The following LRRIQ1 variants were observed in gnomAD, a reference collection of about 807,000 sequenced individuals.
The protein encoded by LRRIQ1 is leucine-rich repeat- and IQ domain-containing protein 1.
In LRRIQ1, 210 loss-of-function variants were observed where a neutral mutation model predicts 211.9. That is an observed-to-expected ratio of 0.99 (90% CI 0.89 to 1.11). The LOEUF (loss-of-function observed/expected upper bound fraction) is 1.11, where lower values mean the gene tolerates loss of function less well. Ranked by LOEUF, LRRIQ1 falls within the 50% of genes most tolerant of loss-of-function variation. The pLI, the probability that LRRIQ1 is intolerant of heterozygous loss-of-function variation, is 0.00. For missense variants in LRRIQ1, 2,136 were observed against 1,939.5 expected (o/e 1.10, Z -1.90); for synonymous variants, 699 against 650.1 (o/e 1.08, Z -1.14).
chr12:85,066,691 A>C (rs1882468975), intron 9 of LRRIQ1, 57 bp from the exon 10 acceptor site: 4 of 1,379,360 alleles, frequency 2.9e-6, no homozygotes. Flanking sequence ...GAAAGCTTTA[A>C]ATAGTTCATT....
intron 24 of LRRIQ1, among the ~76,000 whole-genome samples, chr12:85,217,698 GTA>G (rs1435473916): frequency 2.1e-5 from 3 of 140,458 alleles, no homozygotes; most frequent in African/African-American, 2.9e-5. Flanking sequence ...GTGTATATAT[GTA>G]TATATGTGTG....
At position 85,128,010 on chromosome 12, in the gene LRRIQ1, G is replaced by A. The variant is rs766205183; in HGVS notation, c.4186G>A (p.Glu1396Lys). The A allele has an allele frequency of 1.1e-5, 17 of 1,610,768 alleles. No individual in the cohort carries two copies. The South Asian group carries it at 1.6e-4, about 16-fold the overall frequency. Residue 1396 changes from glutamate (E) to lysine (K), a missense_variant, in exon 18 of 27, where the codon GAG becomes AAG. Physicochemically the swap from Glu to Lys is moderately conservative, Grantham distance 56. Coordinates refer to ENST00000393217, the MANE Select transcript of LRRIQ1 (RefSeq NM_001079910.2). ...ENIVNIRKQREKAAILIQAVW... is the reference protein window; with the variant it reads ...ENIVNIRKQRKKAAILIQAVW... ...TATTGTGAATATCCGAAAACAGAGG[G>A]AGAAGGCTGCTATTCTTATTCAGGT... is the stretch of plus-strand genomic sequence containing the variant.
chr12:85,056,107 C>T lies in LRRIQ1; in HGVS notation c.1314C>T (p.Leu438=). The change falls in exon 8 of 27, where the codon CTC becomes CTT. Residue 438 remains leucine (L), a synonymous_variant. Coordinates refer to ENST00000393217, the MANE Select transcript of LRRIQ1 (RefSeq NM_001079910.2). ...DENSKKQEDV[L]LWLVEESNMK... is the part of the protein sequence containing the mutation. The stretch of plus-strand genomic sequence containing the variant: ...ATTCAAAGAAGCAGGAAGATGTTCT[C>T]CTTTGGCTAGTTGAGGAATCAAATA... The T allele has an allele frequency of 6.2e-7, 1 of 1,601,988 alleles. No homozygotes were observed. The highest frequency in any genetic ancestry group is 8.5e-7 in the Non-Finnish European group (1 of 1,176,584).
At chr12:85,076,057 TTAC>T (rs1266587937) in intron 11 of LRRIQ1, among the ~76,000 whole-genome samples, 2 of 152,124 alleles carry the variant, frequency 1.3e-5, no homozygotes, top group Non-Finnish European at 2.9e-5. Flanking sequence ...ATAATTAAGA[TTAC>T]TACTATTTTT....
chr12:85,150,875 A>G (rs1282355775), intron 19 of LRRIQ1, among the ~76,000 whole-genome samples: 1 of 151,666 alleles, frequency 6.6e-6, no homozygotes, highest in Admixed American at 6.6e-5. Context: ...TGTGTAAAAC[A>G]TGAGATTTTG....
At chr12:85,088,513 T>C (rs556341725) in intron 11 of LRRIQ1, among the ~76,000 whole-genome samples, 1 of 152,336 alleles carries the variant, frequency 6.6e-6, no homozygotes, top group South Asian at 2.1e-4. Context: ...GGGGATAGCA[T>C]TGAATCTATA....
chr12:85,109,714 C>G (rs1370873439), intron 15 of LRRIQ1, among the ~76,000 whole-genome samples: 1 of 152,114 alleles, frequency 6.6e-6, no homozygotes, highest in Non-Finnish European at 1.5e-5. Flanking sequence ...GTTCAGTAAT[C>G]TGTACTTTAA....
chr12:85,132,785 A>AAAT (rs1259195023), intron 18 of LRRIQ1, among the ~76,000 whole-genome samples: 2 of 151,820 alleles, frequency 1.3e-5, no homozygotes, highest in Admixed American at 1.3e-4. Flanking sequence ...ATAAATAAAT[A>AAAT]AAATAAAATA....
intron 24 of LRRIQ1, among the ~76,000 whole-genome samples, chr12:85,167,263 A>G (rs900868865): frequency 2.6e-5 from 4 of 152,176 alleles, no homozygotes; most frequent in Admixed American, 6.5e-5. Flanking sequence ...GGTTCTCTAG[A>G]GGGACAAAAC....
chr12:85,199,142 T>G (rs2137006624), intron 24 of LRRIQ1, among the ~76,000 whole-genome samples: 1 of 152,262 alleles, frequency 6.6e-6, no homozygotes, highest in Admixed American at 6.5e-5. Flanking sequence ...AAGTATTTGT[T>G]TTTGTTGCAA....
intron 13 of LRRIQ1, among the ~76,000 whole-genome samples, chr12:85,100,584 A>G (rs1592796362): frequency 6.6e-6 from 1 of 151,676 alleles, no homozygotes; most frequent in East Asian, 1.9e-4. Flanking sequence ...AATTTTTAAA[A>G]CTCATCTATA....
chr12:85,068,471 A>G (rs1882687485), intron 10 of LRRIQ1, among the ~76,000 whole-genome samples: 1 of 151,854 alleles, frequency 6.6e-6, no homozygotes, highest in East Asian at 1.9e-4. Context: ...TATATTAAAC[A>G]TTTGCTTCAT....
rs769771242 is a variant in LRRIQ1, at chr12:85,047,515, C to T, written c.678+45C>T. 1.1e-5 allele frequency: 16 copies of T among 1,467,230 alleles called. No individual in the cohort carries two copies. The East Asian group carries it at 3.4e-4, about 31-fold the overall frequency. 90.9% of individuals were successfully genotyped at this position (1,467,230 alleles called of 1,614,324 possible). On this transcript the variant is annotated intron_variant, in intron 6 of 26. Coordinates refer to ENST00000393217, the MANE Select transcript of LRRIQ1 (RefSeq NM_001079910.2). ...CATGTATTTTTAAAATCAGTAGCTA[C>T]CTCTGAAGAATATTGATATTTGGAT...
chr12:85,053,288 C>T (rs1427897760), intron 7 of LRRIQ1, among the ~76,000 whole-genome samples: 1 of 151,976 alleles, frequency 6.6e-6, no homozygotes, highest in Non-Finnish European at 1.5e-5. Context: ...AAAAAGATTT[C>T]AAATTGTTTT....
At chr12:85,122,764 A>G (rs1027076503) in intron 16 of LRRIQ1, among the ~76,000 whole-genome samples, 3 of 152,076 alleles carry the variant, frequency 2.0e-5, no homozygotes, top group African/African-American at 7.2e-5. Context: ...TTCAATTGTT[A>G]TAAGTAATGT....
At chr12:85,106,682 A>G (rs1886809760) in intron 15 of LRRIQ1, 67 bp downstream of exon 15, 1 of 1,100,646 alleles carries the variant, frequency 9.1e-7, no homozygotes, top group Non-Finnish European at 1.4e-6. Flanking sequence ...TTTGATAAAA[A>G]TTGTCCTGTG....
chr12:85,197,468 C>T (rs1892985764), intron 24 of LRRIQ1, among the ~76,000 whole-genome samples: 1 of 150,468 alleles, frequency 6.6e-6, no homozygotes, highest in Non-Finnish European at 1.5e-5. Context: ...GAAAATGTGG[C>T]ACATATACAC....
chr12:85,237,927 G>A (rs1895267906), intron 26 of LRRIQ1, among the ~76,000 whole-genome samples: 1 of 151,866 alleles, frequency 6.6e-6, no homozygotes, highest in Admixed American at 6.6e-5. Context: ...AGGAAAATGA[G>A]CCTTGTAAGA....
Position 85,196,790 on chromosome 12 carries a change from C to G in LRRIQ1, c.4823-32727C>G, listed in dbSNP as rs948007525. Among the ~76,000 whole-genome samples, 935 of 151,812 alleles carry G rather than the reference C, an allele frequency of 6.2e-3. 7 individuals carry two copies. The highest frequency in any genetic ancestry group is 0.022 in the African/African-American group (903 of 41,470). ...GGGCAAGGACTTCATGTCCAAAACA[C>G]CAAAAGCAATGGCAACAAAAGACAA... On this transcript the variant is annotated intron_variant, in intron 24 of 26. Coordinates refer to ENST00000393217, the MANE Select transcript of LRRIQ1 (RefSeq NM_001079910.2).
Sources: gnomAD v4.1 joint callset for allele counts (sites outside exome capture counted in the v4.1 genomes callset) on GRCh38, gnomAD v4.1.1 for gene constraint, MANE v1.5 for transcripts, NCBI Gene and HGNC (gene_info 2026-07-23, HGNC 2026-07-21) for gene names.